BCO2: variants seen among roughly 807,000 people sequenced by gnomAD.
The protein encoded by BCO2 is carotenoid-cleaving dioxygenase, mitochondrial.
Under a neutral mutation model 65.8 loss-of-function variants are expected in BCO2, and 56 were observed. That is an observed-to-expected ratio of 0.85 (90% CI 0.69 to 1.06). The LOEUF is 1.06. Among genes scored for constraint, BCO2 ranks in the 50% least tolerant of loss-of-function variants. The probability of loss-of-function intolerance (pLI) is 0.00; values close to 1 mark genes in which losing one functional copy is unlikely to be tolerated. For synonymous variants in BCO2, 233 were observed against 242.3 expected (o/e 0.96, Z 0.36); for missense variants, 675 against 698.5 (o/e 0.97, Z 0.38).
chr11:112,176,866 T>G (rs1223034651), intron 1 of BCO2, among the ~76,000 whole-genome samples: 1 of 152,202 alleles, frequency 6.6e-6, no homozygotes, highest in Non-Finnish European at 1.5e-5. Context: ...ACTAGCAGAA[T>G]GCAGAGAGTA....
chr11:112,201,839 A>T (rs1367914781), intron 7 of BCO2, among the ~76,000 whole-genome samples, 184 bp from the exon 8 acceptor site: 1 of 152,254 alleles, frequency 6.6e-6, no homozygotes, highest in Non-Finnish European at 1.5e-5. Flanking sequence ...AGCAATGTTT[A>T]AATCAAAGCA....
At chr11:112,214,186 G>A (rs183457262) in intron 9 of BCO2, among the ~76,000 whole-genome samples, 1 of 151,394 alleles carries the variant, frequency 6.6e-6, no homozygotes, top group East Asian at 2.0e-4. Context: ...TTGCTCTGGC[G>A]CCCAGACTGG....
chr11:112,180,860 G>A (rs1489745666), intron 2 of BCO2: 6 of 1,068,958 alleles, frequency 5.6e-6, no homozygotes, highest in Non-Finnish European at 8.8e-6. Context: ...TTTGCTTTCT[G>A]TGGCCAGCAG....
At chr11:112,205,886 A>G (rs1406874890) in intron 8 of BCO2, among the ~76,000 whole-genome samples, 1 of 152,238 alleles carries the variant, frequency 6.6e-6, no homozygotes, top group African/African-American at 2.4e-5. Context: ...AGTGTGAGCT[A>G]CCACACCTGG....
At chr11:112,208,858 A>C (rs1333922725) in intron 8 of BCO2, 1 of 178,764 alleles carries the variant, frequency 5.6e-6, no homozygotes, top group African/African-American at 2.4e-5. Context: ...CTTGTGTCTC[A>C]AGAAGAAATT....
intron 10 of BCO2, 98 bp downstream of exon 10, chr11:112,215,042 A>G: frequency 8.3e-7 from 1 of 1,205,622 alleles, no homozygotes; most frequent in Non-Finnish European, 1.2e-6. Flanking sequence ...ATTCTTCAGT[A>G]TTTAAGCAGC....
rs999336904 is a variant in BCO2 at position 112,214,759 on chromosome 11, T to C, written c.1333-3T>C. ...CTACAAATCCTTTTGAAATCTCTTT[T>C]AGATCTGGTGCTCTCATGAAAATCT... On this transcript the variant is annotated splice_region_variant and splice_polypyrimidine_tract_variant and intron_variant, in intron 9 of 11. Transcript: ENST00000357685. 3.2e-5 allele frequency: 52 copies of C among 1,611,246 alleles called. No individual in the cohort carries two copies. The highest frequency in any genetic ancestry group is 4.3e-5 in the Non-Finnish European group (51 of 1,177,890).
At position 112,177,931 on chromosome 11, in the gene BCO2, G is replaced by A. The variant is rs1052180168; in HGVS notation, c.89-1347G>A. 2.2e-5 allele frequency among the ~76,000 whole-genome samples: 3 copies of A among 136,644 alleles called. No homozygotes were observed. The South Asian group carries it at 7.0e-4, about 32-fold the overall frequency. 89.6% of individuals were successfully genotyped at this position (136,644 alleles called of 152,430 possible). A position where few individuals can be genotyped will look rare whatever the true frequency, so the allele number is the denominator to read the frequency against. On this transcript the variant is annotated intron_variant, in intron 1 of 11. Transcript: ENST00000357685. The stretch of plus-strand genomic sequence containing the variant: ...TTGCTTTTTTTTTTTTTTTTGAGAC[G>A]AAGTTTCGCTCTTGTTGCCCAGGCT...
intron 1 of BCO2, among the ~76,000 whole-genome samples, chr11:112,177,390 C>A (rs11214113): frequency 0.02 from 2,979 of 152,214 alleles, 102 homozygotes; most frequent in African/African-American, 0.067. Context: ...AGCAGTAACA[C>A]CAGGTATTTC....
Position 112,217,954 on chromosome 11 carries a change from G to T in BCO2, c.*80G>T. On this transcript the variant is annotated 3_prime_UTR_variant, in exon 12 of 12. Coordinates refer to ENST00000357685, the MANE Select transcript of BCO2 (RefSeq NM_031938.7). ...TAAAGACTGGAGAAATAAACACTGA[G>T]GACTCCAAAAGGGGGGCAAGGAGGA... The T allele has an allele frequency of 9.6e-7, 1 of 1,041,376 alleles. No individual in the cohort carries two copies. The highest frequency in any genetic ancestry group is 1.5e-5 in the South Asian group (1 of 68,308). The allele number at this position is 1,041,376 out of a possible 1,614,324, so 64.5% of individuals were successfully genotyped here. A position where few individuals can be genotyped will look rare whatever the true frequency, so the allele number is the denominator to read the frequency against.
At chr11:112,202,309 G>A in intron 8 of BCO2, 119 bp downstream of exon 8, 3 of 925,410 alleles carry the variant, frequency 3.2e-6, no homozygotes, top group South Asian at 1.9e-5. Flanking sequence ...TTGAGACTGA[G>A]TCTTGCTGTG....
Position 112,179,488 on chromosome 11 carries a change from C to A in BCO2, c.293+6C>A, listed in dbSNP as rs769607883. On this transcript the variant is annotated splice_donor_region_variant and intron_variant, in intron 2 of 11. Coordinates refer to ENST00000357685, the MANE Select transcript of BCO2 (RefSeq NM_031938.7). ...TTCGAGTTTGGGAAGGATAAGTAAG[C>A]CTTGATTTTGGAGAACAACTTGGAT... is the stretch of plus-strand genomic sequence containing the variant. 1 of 1,612,732 alleles carries A rather than the reference C, an allele frequency of 6.2e-7. No individual in the cohort carries two copies. The highest frequency in any genetic ancestry group is 8.5e-7 in the Non-Finnish European group (1 of 1,179,026).
chr11:112,175,972 T>C (rs1263623149), intron 1 of BCO2: 1 of 310,762 alleles, frequency 3.2e-6, no homozygotes, highest in Non-Finnish European at 6.0e-6. Flanking sequence ...ATAAGAAGAA[T>C]ATTCAATATT....
intron 11 of BCO2, among the ~76,000 whole-genome samples, chr11:112,217,325 T>C (rs867210028): frequency 5.9e-5 from 9 of 152,160 alleles, no homozygotes; most frequent in Admixed American, 5.2e-4. Flanking sequence ...GGTATGAAGA[T>C]GTGTAAGACA....
chr11:112,198,356 G>C (rs1291888485), intron 5 of BCO2, among the ~76,000 whole-genome samples: 1 of 151,984 alleles, frequency 6.6e-6, no homozygotes, highest in Non-Finnish European at 1.5e-5. Flanking sequence ...GTGGAGGAAG[G>C]GGGGAGATTT....
At chr11:112,188,129 G>A (rs931673312) in intron 2 of BCO2, among the ~76,000 whole-genome samples, 8 of 152,252 alleles carry the variant, frequency 5.3e-5, no homozygotes, top group African/African-American at 1.9e-4. Context: ...ATACTCTGGT[G>A]TTCTACAAAT....
chr11:112,202,906 C>T (rs550949757), intron 8 of BCO2, among the ~76,000 whole-genome samples: 35 of 152,034 alleles, frequency 2.3e-4, no homozygotes. Context: ...AAAAATTAGC[C>T]AGATGTGGTG....
intron 8 of BCO2, among the ~76,000 whole-genome samples, chr11:112,209,284 T>G (rs888968514): frequency 6.6e-6 from 1 of 152,226 alleles, no homozygotes; most frequent in Non-Finnish European, 1.5e-5. Flanking sequence ...TGGAAACCAC[T>G]GATCTTTTCA....
chr11:112,198,030 C>T (rs1034622508), intron 5 of BCO2, among the ~76,000 whole-genome samples: 8 of 152,214 alleles, frequency 5.3e-5, no homozygotes, highest in South Asian at 4.1e-4. Context: ...AAGTTGCAAA[C>T]AGTAGCCCCT....
Sources: allele counts gnomAD v4.1 joint callset (sites outside exome capture counted in the v4.1 genomes callset), GRCh38; gene constraint gnomAD v4.1.1; transcripts MANE v1.5; gene names NCBI Gene and HGNC (gene_info 2026-07-23, HGNC 2026-07-21).